DENND1B: variants seen among roughly 807,000 people sequenced by gnomAD.
DENND1B encodes the protein DENN domain-containing protein 1B.
DENND1B carries 59 observed loss-of-function variants against 90.1 expected under a neutral mutation model. The observed-to-expected ratio is 0.65, with a 90% CI of 0.53 to 0.81. DENND1B has a LOEUF of 0.81. DENND1B is among the 40% of genes least tolerant of loss of function. The probability of loss-of-function intolerance (pLI) is 0.00; values close to 1 mark genes in which losing one functional copy is unlikely to be tolerated. For missense variants in DENND1B, 862 were observed against 912.6 expected, an observed-to-expected ratio of 0.94 and a Z score of 0.71; for synonymous variants, 337 against 324.6, an observed-to-expected ratio of 1.04 and a Z score of -0.41.
chr1:197,575,781 A>C (rs756313505), intron 15 of DENND1B, among the ~76,000 whole-genome samples: 1 of 152,224 alleles, frequency 6.6e-6, no homozygotes, highest in Non-Finnish European at 1.5e-5. Context: ...TGTCCTTTGC[A>C]GGGACATGGA....
chr1:197,600,804 G>C (rs1043379599), intron 13 of DENND1B, among the ~76,000 whole-genome samples: 2 of 151,536 alleles, frequency 1.3e-5, no homozygotes, highest in African/African-American at 4.8e-5. Flanking sequence ...TCATACTGGT[G>C]CACCTGAAAT....
In DENND1B at chr1:197,617,740, C is replaced by A. The variant is rs1297117613; in HGVS notation, c.692G>T (p.Gly231Val). The change falls in exon 11 of 23, where the codon GGA (glycine) becomes GTA (valine). Residue 231 changes from glycine to valine, a missense_variant. Transcript: ENST00000620048. ...KLSTLTACIH[G>V]SAALLYPMYW... ...CATTGGGTATAGAAGAGCAGCTGATCCATGGATACAGGCAGTTAACTGAAA... is the reference window on the plus strand; with the variant it reads ...CATTGGGTATAGAAGAGCAGCTGATACATGGATACAGGCAGTTAACTGAAA... The A allele has an allele frequency of 6.2e-7, 1 of 1,607,168 alleles. No individual in the cohort carries two copies. Among genetic ancestry groups the A allele is most frequent in the Admixed American group, 1.7e-5 (1 of 59,644 alleles).
At chr1:197,734,047 A>C (rs530156661) in intron 2 of DENND1B, 1 of 935,750 alleles carries the variant, frequency 1.1e-6, no homozygotes, top group East Asian at 1.2e-4. Context: ...ATTTACATTA[A>C]ATATTTATCA....
intron 15 of DENND1B, among the ~76,000 whole-genome samples, chr1:197,578,399 C>T (rs1673888964): frequency 6.6e-6 from 1 of 152,042 alleles, no homozygotes; most frequent in African/African-American, 2.4e-5. Context: ...CGTGTGACAC[C>T]TTGCCTGGCT....
chr1:197,677,069 G>A (rs1005940373), intron 3 of DENND1B, among the ~76,000 whole-genome samples: 4 of 151,984 alleles, frequency 2.6e-5, no homozygotes, highest in Non-Finnish European at 5.9e-5. Context: ...TTAGAACAAA[G>A]GTCTTTGAAT....
At chr1:197,635,620 G>C (rs980595529) in intron 10 of DENND1B, among the ~76,000 whole-genome samples, 1 of 152,166 alleles carries the variant, frequency 6.6e-6, no homozygotes, top group Non-Finnish European at 1.5e-5. Flanking sequence ...TTACAGGCAT[G>C]AGCTACCATG....
At chr1:197,701,912 C>A (rs1477799130) in intron 3 of DENND1B, among the ~76,000 whole-genome samples, 3 of 152,108 alleles carry the variant, frequency 2.0e-5, no homozygotes, top group Non-Finnish European at 4.4e-5. Context: ...AATTTTTCTA[C>A]ATATCTATTC....
rs192123767 is a variant in DENND1B at position 197,620,669 on chromosome 1, T to C, written c.673-2910A>G. Among the ~76,000 whole-genome samples, 683 of 151,446 alleles carry C rather than the reference T, an allele frequency of 4.5e-3. 5 individuals carry two copies. Among genetic ancestry groups the C allele is most frequent in the Middle Eastern group, 0.031 (9 of 294 alleles). ...AGGTGCTCTAAAGTCCATAAGGTAA[T>C]TATGCAACTGAAAATATTATAATAA... On this transcript the variant is annotated intron_variant, in intron 10 of 22. Coordinates refer to ENST00000620048, the MANE Select transcript of DENND1B (RefSeq NM_001195215.2).
At chr1:197,524,712 C>T (rs996420237) in intron 20 of DENND1B, among the ~76,000 whole-genome samples, 1 of 152,054 alleles carries the variant, frequency 6.6e-6, no homozygotes, top group Non-Finnish European at 1.5e-5. Context: ...TATACAATCT[C>T]GAAAGCTGTA....
chr1:197,595,148 G>C, intron 14 of DENND1B, 60 bp downstream of exon 14: 2 of 1,536,912 alleles, frequency 1.3e-6, no homozygotes, highest in Non-Finnish European at 1.7e-6. Flanking sequence ...CTTTTTTTCT[G>C]TCTCATTCCA....
At chr1:197,738,021 C>T (rs760193085) in intron 2 of DENND1B, among the ~76,000 whole-genome samples, 12 of 8,150 alleles carry the variant, frequency 1.5e-3, no homozygotes, top group Non-Finnish European at 2.3e-3. Context: ...GTTTTGATTG[C>T]CTCCTAATTT....
At chr1:197,730,209 T>C (rs1662026414) in intron 2 of DENND1B, among the ~76,000 whole-genome samples, 1 of 152,170 alleles carries the variant, frequency 6.6e-6, no homozygotes, top group South Asian at 2.1e-4. Context: ...TACACAAATA[T>C]AGTCCCTTTT....
chr1:197,611,363 A>C (rs986087106), intron 12 of DENND1B, among the ~76,000 whole-genome samples: 1 of 150,868 alleles, frequency 6.6e-6, no homozygotes. Flanking sequence ...GGAATAACTT[A>C]AGTGACAAAA....
At chr1:197,777,174 ATAAT>A (rs1468767377), upstream of DENND1B, among the ~76,000 whole-genome samples, 2 of 152,174 alleles carry the variant, frequency 1.3e-5, no homozygotes, top group Non-Finnish European at 2.9e-5. Context: ...TCCTTTCATT[ATAAT>A]TAATTATTTC....
intron 5 of DENND1B, among the ~76,000 whole-genome samples, 163 bp from the exon 6 acceptor site, chr1:197,658,532 T>C (rs1368808299): frequency 1.3e-5 from 2 of 151,976 alleles, no homozygotes; most frequent in Non-Finnish European, 2.9e-5. Context: ...ACATATTATT[T>C]ATTACTAGTT....
intron 14 of DENND1B, among the ~76,000 whole-genome samples, chr1:197,587,794 C>T (rs999387209): frequency 2.0e-5 from 3 of 151,962 alleles, no homozygotes; most frequent in Admixed American, 1.3e-4. Context: ...TAATACATAA[C>T]GAAATAATTC....
intron 14 of DENND1B, among the ~76,000 whole-genome samples, chr1:197,585,605 G>A (rs1194754481): frequency 6.6e-6 from 1 of 152,240 alleles, no homozygotes; most frequent in Non-Finnish European, 1.5e-5. Context: ...CCATCCACTT[G>A]TGATGACACA....
At chr1:197,714,974 T>G (rs776426938) in intron 3 of DENND1B, 57 bp downstream of exon 3, 6 of 1,278,054 alleles carry the variant, frequency 4.7e-6, no homozygotes, top group Admixed American at 1.7e-5. Flanking sequence ...GCAGTAATAG[T>G]AGCAACAATC....
At chr1:197,715,331 C>T (rs562800168) in intron 2 of DENND1B, among the ~76,000 whole-genome samples, 1 of 151,850 alleles carries the variant, frequency 6.6e-6, no homozygotes, top group Non-Finnish European at 1.5e-5. Flanking sequence ...AAAATCATTA[C>T]TGTATTTCTT....
Sources: allele counts gnomAD v4.1 joint callset (sites outside exome capture counted in the v4.1 genomes callset), GRCh38; gene constraint gnomAD v4.1.1; transcripts MANE v1.5; gene names NCBI Gene and HGNC (gene_info 2026-07-23, HGNC 2026-07-21).